Variants in UXS1 observed in about 807,000 individuals in gnomAD.
The protein encoded by UXS1 is UDP-glucuronic acid decarboxylase 1.
In UXS1, 33 loss-of-function variants were observed where a neutral mutation model predicts 62.6. The observed-to-expected ratio is 0.53, with a 90% CI of 0.40 to 0.70. The LOEUF is 0.70. Ranked by LOEUF, UXS1 falls within the 30% of genes least tolerant of loss-of-function variation. UXS1 has a pLI of 0.00. For missense variants in UXS1, 434 were observed against 556.3 expected (o/e 0.78, Z 2.21); for synonymous variants, 213 against 206.8 (o/e 1.03, Z -0.26).
chr2:106,100,988 G>A, intron 12 of UXS1, 70 bp downstream of exon 12: 1 of 1,578,176 alleles, frequency 6.3e-7, no homozygotes, highest in South Asian at 1.1e-5. Context: ...AAAGCCTGGT[G>A]CTGCTCATGG....
At chr2:106,172,098 GCACA>G (rs1215428564) in intron 1 of UXS1, among the ~76,000 whole-genome samples, 1 of 152,224 alleles carries the variant, frequency 6.6e-6, no homozygotes, top group Admixed American at 6.5e-5. Flanking sequence ...TTAAGACCCT[GCACA>G]CATTGCTTTA....
chr2:106,189,110 C>G (rs137881333), intron 1 of UXS1, among the ~76,000 whole-genome samples: 116 of 152,174 alleles, frequency 7.6e-4, no homozygotes, highest in Admixed American at 2.5e-3. Context: ...TAGTAGTAGT[C>G]CCAGAAAGAG....
chr2:106,178,351 T>A (rs1684021067), intron 1 of UXS1, among the ~76,000 whole-genome samples: 1 of 152,198 alleles, frequency 6.6e-6, no homozygotes, highest in South Asian at 2.1e-4. Flanking sequence ...GTGTTGAGCA[T>A]GCACCCCACA....
intron 1 of UXS1, among the ~76,000 whole-genome samples, chr2:106,169,155 T>A (rs1683386930): frequency 6.6e-6 from 1 of 152,214 alleles, no homozygotes; most frequent in South Asian, 2.1e-4. Context: ...AGATCACCTG[T>A]GAGCCACCAG....
Position 106,094,208 on chromosome 2 carries a change from G to T in UXS1, c.1147-51C>A, listed in dbSNP as rs200449146. On this transcript the variant is annotated intron_variant, in intron 14 of 14. Coordinates refer to ENST00000283148, the MANE Select transcript of UXS1 (RefSeq NM_001253875.2). ...GAGACAAGGTCACATTGACAGAAGG[G>T]CATCGCAGGAAGGAAGTGCCACCTT... 786 of 739,398 alleles carry T rather than the reference G, an allele frequency of 1.1e-3. 1 individual carries two copies. The highest frequency in any genetic ancestry group is 1.2e-3 in the Non-Finnish European group (683 of 548,364). 45.8% of individuals were successfully genotyped at this position (739,398 alleles called of 1,614,324 possible).
At position 106,155,946 on chromosome 2, in the gene UXS1, A is replaced by G. The variant is rs1389047871; in HGVS notation, c.291+2112T>C. Among the ~76,000 whole-genome samples the G allele has an allele frequency of 3.3e-5, 5 of 151,962 alleles. No individual in the cohort carries two copies. In the South Asian group the frequency reaches 6.2e-4, roughly 19 times the overall value. On this transcript the variant is annotated intron_variant, in intron 5 of 14. Transcript: ENST00000283148. ...TAAATTTAAGAACAAAATCTATAAA[A>G]CTCTTAGGAAAAAAACATGGTAAAT... is the stretch of plus-strand genomic sequence containing the variant.
intron 5 of UXS1, among the ~76,000 whole-genome samples, chr2:106,147,371 C>A (rs1681662141): frequency 6.6e-6 from 1 of 152,316 alleles, no homozygotes; most frequent in Non-Finnish European, 1.5e-5. Flanking sequence ...AAGTCACATC[C>A]CTCCAAGTCA....
At position 106,146,049 on chromosome 2, in the gene UXS1, A is replaced by C. The variant is rs17032522; in HGVS notation, c.292-679T>G. On this transcript the variant is annotated intron_variant, in intron 5 of 14. Coordinates refer to ENST00000283148, the MANE Select transcript of UXS1 (RefSeq NM_001253875.2). ...GTCTTGACGGTAACTCAGTAATAAC[A>C]AAACCTAGACCCCTGCAAAGGTGAA... Among the ~76,000 whole-genome samples, 1,213 of 152,330 alleles carry C rather than the reference A, an allele frequency of 8.0e-3. 16 individuals carry two copies. The highest frequency in any genetic ancestry group is 0.027 in the African/African-American group (1,134 of 41,572).
At chr2:106,122,337 CCT>C (rs1679590588) in intron 9 of UXS1, among the ~76,000 whole-genome samples, 1 of 152,208 alleles carries the variant, frequency 6.6e-6, no homozygotes, top group Non-Finnish European at 1.5e-5. Flanking sequence ...CCTGCACCAC[CCT>C]GAGATGGGCA....
intron 9 of UXS1, among the ~76,000 whole-genome samples, chr2:106,117,916 G>A (rs531027671): frequency 3.9e-5 from 6 of 152,354 alleles, no homozygotes; most frequent in East Asian, 1.9e-4. Flanking sequence ...AAGTTGACTC[G>A]AGGGGTTGGC....
At chr2:106,187,152 A>T (rs1425940569) in intron 1 of UXS1, among the ~76,000 whole-genome samples, 1 of 152,220 alleles carries the variant, frequency 6.6e-6, no homozygotes. Context: ...GGTGTTCACT[A>T]AAATATTCTT....
At chr2:106,100,063 TAG>T (rs1165244647) in intron 12 of UXS1, among the ~76,000 whole-genome samples, 1 of 152,182 alleles carries the variant, frequency 6.6e-6, no homozygotes, top group African/African-American at 2.4e-5. Flanking sequence ...CCCTGAACTT[TAG>T]AGTGTTGTGT....
At chr2:106,103,306 T>G (rs4851920) in intron 11 of UXS1, among the ~76,000 whole-genome samples, 1 of 152,212 alleles carries the variant, frequency 6.6e-6, no homozygotes, top group South Asian at 2.1e-4. Context: ...CTGGTTTCCT[T>G]TTACCGCACA....
At chr2:106,159,501 A>G (rs1682724917) in intron 4 of UXS1, 1 of 152,254 alleles carries the variant, frequency 6.6e-6, no homozygotes, top group Non-Finnish European at 1.5e-5. Flanking sequence ...CCCAGCCCAC[A>G]CTGATGTCCC....
chr2:106,155,889 T>C (rs553237936), intron 5 of UXS1, among the ~76,000 whole-genome samples: 3 of 152,280 alleles, frequency 2.0e-5, no homozygotes, highest in African/African-American at 7.2e-5. Context: ...TAATACCCTA[T>C]TCAAAAATTA....
At chr2:106,185,866 T>C (rs905266752) in intron 1 of UXS1, among the ~76,000 whole-genome samples, 9 of 152,170 alleles carry the variant, frequency 5.9e-5, no homozygotes, top group Admixed American at 2.0e-4. Context: ...CAAGAAACCC[T>C]GGAGCCACAG....
intron 5 of UXS1, among the ~76,000 whole-genome samples, chr2:106,148,985 C>T (rs1681806206): frequency 6.6e-6 from 1 of 152,142 alleles, no homozygotes; most frequent in African/African-American, 2.4e-5. Flanking sequence ...TGGTCTAGTT[C>T]AAGGTCAGCA....
At chr2:106,101,331 G>A in intron 11 of UXS1, 1 of 558,342 alleles carries the variant, frequency 1.8e-6, no homozygotes, top group Non-Finnish European at 3.1e-6. Context: ...TTGATGTCTG[G>A]GATTTGCTTT....
At chr2:106,193,701 C>T (rs182509318) in intron 1 of UXS1, among the ~76,000 whole-genome samples, 252 of 152,340 alleles carry the variant, frequency 1.7e-3, no homozygotes, top group African/African-American at 5.8e-3. Flanking sequence ...GGAGCGGGGG[C>T]TCTGCCAATG....
Sources: gnomAD v4.1 joint callset for allele counts (sites outside exome capture counted in the v4.1 genomes callset) on GRCh38, gnomAD v4.1.1 for gene constraint, MANE v1.5 for transcripts, NCBI Gene and HGNC (gene_info 2026-07-23, HGNC 2026-07-21) for gene names.